NPFFR2: variants seen among roughly 807,000 people sequenced by gnomAD.
The protein encoded by NPFFR2 is neuropeptide FF receptor 2.
Under a neutral mutation model 13.1 loss-of-function variants are expected in NPFFR2, and 15 were observed. The observed-to-expected ratio is 1.15, with a 90% CI of 0.77 to 1.76. The LOEUF is 1.76. NPFFR2 is among the 40% of genes most tolerant of loss of function. The probability of loss-of-function intolerance (pLI) is 0.00; values close to 1 mark genes in which losing one functional copy is unlikely to be tolerated. For missense variants in NPFFR2, 572 were observed against 503.5 expected (o/e 1.14, Z -1.30); for synonymous variants, 190 against 175.7 (o/e 1.08, Z -0.65).
intron 1 of NPFFR2, among the ~76,000 whole-genome samples, chr4:72,126,053 T>C (rs1722036091): frequency 6.6e-6 from 1 of 152,238 alleles, no homozygotes; most frequent in Non-Finnish European, 1.5e-5. Context: ...AATTTTCTAA[T>C]ATTTCCTCAG....
intron 1 of NPFFR2, among the ~76,000 whole-genome samples, chr4:72,042,093 A>G (rs965444386): frequency 1.3e-5 from 2 of 152,184 alleles, no homozygotes; most frequent in Admixed American, 6.5e-5. Flanking sequence ...CCCCCACCCA[A>G]ATCTCATTTT....
At chr4:72,107,892 G>A (rs1182311453) in intron 1 of NPFFR2, among the ~76,000 whole-genome samples, 2 of 151,990 alleles carry the variant, frequency 1.3e-5, no homozygotes, top group South Asian at 2.1e-4. Context: ...ATATAAAGTT[G>A]TGAAAGTTAT....
At chr4:72,070,755 C>A (rs919525243) in intron 1 of NPFFR2, among the ~76,000 whole-genome samples, 2 of 151,960 alleles carry the variant, frequency 1.3e-5, no homozygotes, top group African/African-American at 4.8e-5. Flanking sequence ...AAAAAAAGTA[C>A]ATGAATGTAA....
chr4:72,147,500 T>A lies in NPFFR2; in HGVS notation c.951T>A (p.Phe317Leu). 6.2e-7 allele frequency: 1 copy of A among 1,614,232 alleles called. No individual in the cohort carries two copies. Among genetic ancestry groups the A allele is most frequent in the Non-Finnish European group, 8.5e-7 (1 of 1,180,042 alleles). Residue 317 changes from phenylalanine to leucine, a missense_variant, in exon 4 of 4, where the codon TTT becomes TTA. Phe to Leu is a conservative substitution (Grantham distance 22). Transcript: ENST00000308744. The stretch of plus-strand genomic sequence containing the variant: ...TCATCAACATCTACATCTACCCTTT[T>A]GCACACTGGCTGGCATTCGGCAACA... ...LQIINIYIYP[F>L]AHWLAFGNSS...
intron 1 of NPFFR2, among the ~76,000 whole-genome samples, chr4:72,089,244 G>A (rs1046144646): frequency 6.6e-6 from 1 of 152,076 alleles, no homozygotes; most frequent in Non-Finnish European, 1.5e-5. Context: ...TGGGCATTTG[G>A]CTGGTTCCAT....
At chr4:72,043,378 G>A (rs933732914) in intron 1 of NPFFR2, among the ~76,000 whole-genome samples, 2 of 152,210 alleles carry the variant, frequency 1.3e-5, no homozygotes, top group African/African-American at 4.8e-5. Flanking sequence ...CTGTCTTCTA[G>A]ACCTCAAAAT....
At chr4:72,140,753 G>C (rs563774506) in intron 3 of NPFFR2, among the ~76,000 whole-genome samples, 1 of 152,196 alleles carries the variant, frequency 6.6e-6, no homozygotes, top group Admixed American at 6.5e-5. Flanking sequence ...CCAGGCTTTG[G>C]TATCAGGATG....
At chr4:72,086,829 A>G (rs1456928030) in intron 1 of NPFFR2, among the ~76,000 whole-genome samples, 1 of 152,072 alleles carries the variant, frequency 6.6e-6, no homozygotes, top group Non-Finnish European at 1.5e-5. Flanking sequence ...CTCCATATAA[A>G]TGTAAGATGA....
At chr4:72,047,230 A>G (rs1333354071) in intron 1 of NPFFR2, among the ~76,000 whole-genome samples, 1 of 152,172 alleles carries the variant, frequency 6.6e-6, no homozygotes, top group African/African-American at 2.4e-5. Flanking sequence ...TGGCCAAGTG[A>G]CAATTGCCAA....
chr4:72,145,647 G>A (rs1219168610), intron 3 of NPFFR2, among the ~76,000 whole-genome samples: 1 of 152,076 alleles, frequency 6.6e-6, no homozygotes, highest in African/African-American at 2.4e-5. Context: ...TACACATGAA[G>A]GAGTTATAAA....
chr4:72,144,004 C>A (rs1722705152), intron 3 of NPFFR2, among the ~76,000 whole-genome samples: 1 of 152,092 alleles, frequency 6.6e-6, no homozygotes, highest in Non-Finnish European at 1.5e-5. Flanking sequence ...TAATGAACCA[C>A]CCCCAAATCA....
At chr4:72,052,673 C>T (rs1050894381) in intron 1 of NPFFR2, among the ~76,000 whole-genome samples, 11 of 152,008 alleles carry the variant, frequency 7.2e-5, no homozygotes, top group African/African-American at 2.7e-4. Flanking sequence ...GAAAAATCTA[C>T]ATTCTGTAGA....
At chr4:72,075,139 A>G (rs1182953522) in intron 1 of NPFFR2, among the ~76,000 whole-genome samples, 1 of 152,086 alleles carries the variant, frequency 6.6e-6, no homozygotes, top group Admixed American at 6.6e-5. Flanking sequence ...AGTGGGTGCA[A>G]TCTAATTAGC....
Position 72,147,879 on chromosome 4 carries a change from C to A in NPFFR2, c.*67C>A. 1 of 1,177,082 alleles carries A rather than the reference C, an allele frequency of 8.5e-7. No homozygotes were observed. The highest frequency in any genetic ancestry group is 1.2e-6 in the Non-Finnish European group (1 of 868,532). 72.9% of individuals were successfully genotyped at this position (1,177,082 alleles called of 1,614,324 possible). On this transcript the variant is annotated 3_prime_UTR_variant, in exon 4 of 4. Transcript: ENST00000308744. ...TATTTAAATCCATTGCTTTTTGTGG[C>A]TTTGCACTTCAAATTTTTCAAAGAA...
chr4:72,141,154 C>T (rs1431861926), intron 3 of NPFFR2, among the ~76,000 whole-genome samples: 94 of 151,338 alleles, frequency 6.2e-4, no homozygotes, highest in African/African-American at 2.2e-3. Context: ...TCTCTTTTCT[C>T]CTTTATTAGT....
At chr4:72,101,029 G>A (rs967698276) in intron 1 of NPFFR2, among the ~76,000 whole-genome samples, 1 of 151,830 alleles carries the variant, frequency 6.6e-6, no homozygotes, top group Non-Finnish European at 1.5e-5. Context: ...ACAACTGCTT[G>A]AAAACAGTTT....
intron 1 of NPFFR2, among the ~76,000 whole-genome samples, chr4:72,101,147 G>A (rs879640221): frequency 2.7e-4 from 41 of 151,932 alleles, no homozygotes; most frequent in Middle Eastern, 3.4e-3. Flanking sequence ...AAATAAATAC[G>A]TTTGCCAAAA....
chr4:72,126,965 G>T (rs907851597), intron 1 of NPFFR2, among the ~76,000 whole-genome samples: 34 of 152,150 alleles, frequency 2.2e-4, no homozygotes, highest in African/African-American at 6.7e-4. Context: ...AGTCTTTCTA[G>T]TGAATCACCA....
chr4:72,130,111 C>T (rs1384392283), intron 2 of NPFFR2, among the ~76,000 whole-genome samples: 1 of 151,342 alleles, frequency 6.6e-6, no homozygotes, highest in Non-Finnish European at 1.5e-5. Flanking sequence ...TTTCTTAGTA[C>T]CTAACAAAAT....
Sources: allele counts gnomAD v4.1 joint callset (sites outside exome capture counted in the v4.1 genomes callset), GRCh38; gene constraint gnomAD v4.1.1; transcripts MANE v1.5; gene names NCBI Gene and HGNC (gene_info 2026-07-23, HGNC 2026-07-21).